The following PCDHA3 variants were observed in gnomAD, a reference collection of about 807,000 sequenced individuals.
PCDHA3 encodes protocadherin alpha-3.
Under a neutral mutation model 62.2 loss-of-function variants are expected in PCDHA3, and 41 were observed. The ratio of observed to expected loss-of-function variants is 0.66; its 90% CI spans 0.51 to 0.86. The LOEUF (loss-of-function observed/expected upper bound fraction) is 0.86, where lower values mean the gene tolerates loss of function less well. PCDHA3 is among the 40% of genes least tolerant of loss of function. PCDHA3 has a pLI of 0.00. For synonymous variants in PCDHA3, 640 were observed against 555.4 expected, an observed-to-expected ratio of 1.15 and a Z score of -2.14; for missense variants, 1,304 against 1,241.2, an observed-to-expected ratio of 1.05 and a Z score of -0.76.
At chr5:140,884,170 G>T (rs1333457358) in intron 1 of PCDHA3, 2 of 1,613,412 alleles carry the variant, frequency 1.2e-6, no homozygotes, top group Non-Finnish European at 8.5e-7. Context: ...TCAGCACGAC[G>T]CGCCCTCTGG....
chr5:140,945,076 C>G (rs2093735426), intron 1 of PCDHA3, among the ~76,000 whole-genome samples: 1 of 152,104 alleles, frequency 6.6e-6, no homozygotes, highest in South Asian at 2.1e-4. Flanking sequence ...TCCACCAAAA[C>G]ACTCTTGGAA....
chr5:140,926,656 T>C (rs1372034097), intron 1 of PCDHA3: 1 of 513,300 alleles, frequency 1.9e-6, no homozygotes, highest in Non-Finnish European at 3.1e-6. Flanking sequence ...CGGCTCCGCT[T>C]TCCCAGACGG....
At chr5:140,885,930 AT>A (rs1188534786) in intron 1 of PCDHA3, among the ~76,000 whole-genome samples, 9 of 152,222 alleles carry the variant, frequency 5.9e-5, no homozygotes, top group Admixed American at 5.9e-4. Context: ...CTGTTTATCT[AT>A]TTTTTGACAT....
chr5:140,808,709 G>C (rs782467255), intron 1 of PCDHA3: 2 of 1,612,236 alleles, frequency 1.2e-6, no homozygotes, highest in Non-Finnish European at 1.7e-6. Context: ...GTCGAGCTAC[G>C]TTTCGGTGCA....
At chr5:140,914,761 G>A (rs2076826214) in intron 1 of PCDHA3, among the ~76,000 whole-genome samples, 1 of 151,734 alleles carries the variant, frequency 6.6e-6, no homozygotes, top group Non-Finnish European at 1.5e-5. Context: ...GAGGTTACAT[G>A]AGGTTTATGA....
chr5:140,935,393 C>T (rs1213341467), intron 1 of PCDHA3, among the ~76,000 whole-genome samples: 2 of 152,166 alleles, frequency 1.3e-5, no homozygotes, highest in Admixed American at 6.5e-5. Context: ...TGTTATCCCA[C>T]GGGACTCAAA....
At chr5:141,004,657 G>A (rs565994909) in intron 3 of PCDHA3, among the ~76,000 whole-genome samples, 1 of 152,262 alleles carries the variant, frequency 6.6e-6, no homozygotes, top group Admixed American at 6.5e-5. Context: ...TGGGCTCTGA[G>A]GGCAACTAAA....
At chr5:140,914,596 C>A (rs1454753124) in intron 1 of PCDHA3, among the ~76,000 whole-genome samples, 1 of 152,128 alleles carries the variant, frequency 6.6e-6, no homozygotes, top group Non-Finnish European at 1.5e-5. Flanking sequence ...TAAGTAGGAA[C>A]TTCCTCCTGC....
chr5:140,938,973 G>A (rs112209995), intron 1 of PCDHA3, among the ~76,000 whole-genome samples: 3 of 152,224 alleles, frequency 2.0e-5, no homozygotes, highest in East Asian at 1.9e-4. Context: ...TTGGCATCAA[G>A]GCTATCCTGG....
intron 1 of PCDHA3, chr5:140,851,052 C>A (rs571650734): frequency 1.4e-6 from 2 of 1,383,936 alleles, no homozygotes; most frequent in Admixed American, 2.8e-5. Context: ...CCGACTTTGT[C>A]TTGACTTCTA....
intron 3 of PCDHA3, among the ~76,000 whole-genome samples, chr5:140,997,130 C>T (rs1480730795): frequency 6.6e-6 from 1 of 151,984 alleles, no homozygotes; most frequent in Non-Finnish European, 1.5e-5. Flanking sequence ...TACACAATGC[C>T]CCCACACCCC....
At chr5:140,884,689 T>C (rs1290961484) in intron 1 of PCDHA3, 11 of 1,534,282 alleles carry the variant, frequency 7.2e-6, no homozygotes, top group Non-Finnish European at 9.6e-6. Flanking sequence ...AAAAATTGTC[T>C]TAGTAAACAC....
At chr5:140,936,640 C>T (rs782162757) in intron 1 of PCDHA3, among the ~76,000 whole-genome samples, 2 of 152,208 alleles carry the variant, frequency 1.3e-5, no homozygotes, top group Non-Finnish European at 2.9e-5. Flanking sequence ...TCATAAGCAA[C>T]GTGACTTTAT....
At chr5:140,927,399 TC>T (rs781939330) in intron 1 of PCDHA3, 1 of 1,614,076 alleles carries the variant, frequency 6.2e-7, no homozygotes. Context: ...GTCAGCACTT[TC>T]GCCTGGACAT....
At chr5:140,927,641 CTG>C (rs782418145) in intron 1 of PCDHA3, 23 of 1,614,074 alleles carry the variant, frequency 1.4e-5, no homozygotes, top group Non-Finnish European at 1.4e-5. Flanking sequence ...CCCAATGGGA[CTG>C]TGTTATTCCG....
At chr5:140,991,590 G>A (rs1211923014) in intron 3 of PCDHA3, among the ~76,000 whole-genome samples, 2 of 152,098 alleles carry the variant, frequency 1.3e-5, no homozygotes, top group Non-Finnish European at 2.9e-5. Context: ...ATTTCTACCT[G>A]AGCCCTCACT....
At chr5:140,968,310 G>T (rs2096237719) in intron 1 of PCDHA3, 4 of 1,613,920 alleles carry the variant, frequency 2.5e-6, no homozygotes, top group Non-Finnish European at 3.4e-6. Flanking sequence ...GAGATTCAAG[G>T]GCTGCCAGTC....
chr5:140,863,256 C>T (rs761621534), intron 1 of PCDHA3: 6 of 1,442,182 alleles, frequency 4.2e-6, no homozygotes, highest in Non-Finnish European at 4.7e-6. Flanking sequence ...GCGTCGAGGT[C>T]CGGGAGGCAG....
In PCDHA3 at chr5:140,888,521, C is replaced by T. The variant is rs191011552; in HGVS notation, c.2394+84930C>T. ...TAAAGAGTCTTGGACTTAGTTCTGACGTGAAGTTAAGTTGCTCAGTACCAA... is the reference window on the plus strand; with the variant it reads ...TAAAGAGTCTTGGACTTAGTTCTGATGTGAAGTTAAGTTGCTCAGTACCAA... On this transcript the variant is annotated intron_variant, in intron 1 of 3. Transcript: ENST00000522353. Among the ~76,000 whole-genome samples, 432 of 152,260 alleles carry T rather than the reference C, an allele frequency of 2.8e-3. 2 individuals carry two copies. The highest frequency in any genetic ancestry group is 0.014 in the Middle Eastern group (4 of 292).
Sources: gnomAD v4.1 joint callset for allele counts (sites outside exome capture counted in the v4.1 genomes callset) on GRCh38, gnomAD v4.1.1 for gene constraint, MANE v1.5 for transcripts, NCBI Gene and HGNC (gene_info 2026-07-23, HGNC 2026-07-21) for gene names.